KCNMA1: variants seen among roughly 807,000 people sequenced by gnomAD.
KCNMA1 encodes Calcium-activated potassium channel subunit alpha-1.
A neutral mutation model predicts 140.0 loss-of-function variants in KCNMA1; 29 were observed. The observed-to-expected ratio is 0.21, with a 90% CI of 0.15 to 0.28. The LOEUF is 0.28. KCNMA1 is among the 10% of genes least tolerant of loss of function. The pLI, the probability that KCNMA1 is intolerant of heterozygous loss-of-function variation, is 1.00. For missense variants in KCNMA1, 880 were observed against 1,602.2 expected (o/e 0.55, Z 7.70); for synonymous variants, 612 against 611.9 (o/e 1.00, Z 0.00).
At chr10:77,185,143 T>C (rs2098838399) in intron 3 of KCNMA1, among the ~76,000 whole-genome samples, 1 of 152,100 alleles carries the variant, frequency 6.6e-6, no homozygotes, top group Non-Finnish European at 1.5e-5. Flanking sequence ...GTTTTCGAAA[T>C]TATTATATAC....
chr10:76,985,936 AG>A (rs1305576638), intron 19 of KCNMA1, among the ~76,000 whole-genome samples: 1 of 152,246 alleles, frequency 6.6e-6, no homozygotes, highest in African/African-American at 2.4e-5. Flanking sequence ...AAAATAAAAA[AG>A]TACTCTAAAG....
In KCNMA1 at chr10:77,217,312, C is replaced by CTAAA. The variant is rs138537604; in HGVS notation, c.603-32400_603-32397dup. Among the ~76,000 whole-genome samples, 87 of 151,096 alleles carry CTAAA rather than the reference C, an allele frequency of 5.8e-4. 1 individual carries two copies. Among genetic ancestry groups the CTAAA allele is most frequent in the Non-Finnish European group, 1.1e-3 (77 of 67,734 alleles). On this transcript the variant is annotated intron_variant, in intron 3 of 27. Transcript: ENST00000286628. ...TCTGTCTCAAAAAAAAAAAAAGAAA[C>CTAAA]TAAACAAACAAACAAAAAAAAACTA...
intron 1 of KCNMA1, among the ~76,000 whole-genome samples, chr10:77,488,996 G>C (rs569616507): frequency 6.6e-6 from 1 of 152,286 alleles, no homozygotes; most frequent in Admixed American, 6.5e-5. Context: ...AGGAATGCCT[G>C]CTCCACTCAA....
chr10:77,220,628 AG>A (rs1258742831), intron 3 of KCNMA1, among the ~76,000 whole-genome samples: 2 of 152,194 alleles, frequency 1.3e-5, no homozygotes, highest in Non-Finnish European at 2.9e-5. Flanking sequence ...TCTAGACAAA[AG>A]GGGAGGAGAT....
At chr10:76,969,650 C>T (rs2153152850) in intron 20 of KCNMA1, among the ~76,000 whole-genome samples, 1 of 152,296 alleles carries the variant, frequency 6.6e-6, no homozygotes, top group East Asian at 1.9e-4. Flanking sequence ...GATTGGTTAC[C>T]GCCATCATTA....
chr10:77,577,741 T>C lies in KCNMA1; in HGVS notation c.378+59524A>G, dbSNP rs141542678. Among the ~76,000 whole-genome samples, 309 of 152,244 alleles carry C rather than the reference T, an allele frequency of 2.0e-3. 3 individuals are homozygous for C. Among genetic ancestry groups the C allele is most frequent in the Non-Finnish European group, 1.3e-3 (91 of 68,016 alleles). On this transcript the variant is annotated intron_variant, in intron 1 of 27. Coordinates refer to ENST00000286628, the MANE Select transcript of KCNMA1 (RefSeq NM_001161352.2). ...TAACTAGGGTCTCCCAGCTAGTTGG[T>C]GGTGAAGCCAGAATTTGAACTCTGA...
At chr10:77,117,561 A>AAAAAAAAAAAAAAG (rs1554837398) in intron 6 of KCNMA1, among the ~76,000 whole-genome samples, 3 of 147,556 alleles carry the variant, frequency 2.0e-5, no homozygotes, top group African/African-American at 7.8e-5. Context: ...AAAAAAAAAA[A>AAAAAAAAAAAAAAG]AAAAGAAAAG....
chr10:77,137,618 C>A (rs1199421076), intron 5 of KCNMA1, among the ~76,000 whole-genome samples: 3 of 152,128 alleles, frequency 2.0e-5, no homozygotes, highest in African/African-American at 7.2e-5. Flanking sequence ...GAATCTGAGC[C>A]TCTCCTTCCC....
intron 16 of KCNMA1, among the ~76,000 whole-genome samples, chr10:77,024,106 T>C (rs1165396471): frequency 6.6e-6 from 1 of 152,164 alleles, no homozygotes; most frequent in Non-Finnish European, 1.5e-5. Context: ...GCTGGATATT[T>C]GGTTCTGGGA....
At chr10:76,916,349 T>G (rs908576428) in intron 23 of KCNMA1, among the ~76,000 whole-genome samples, 1 of 152,224 alleles carries the variant, frequency 6.6e-6, no homozygotes, top group Non-Finnish European at 1.5e-5. Flanking sequence ...TTGGAACAAC[T>G]GTAACTTTCA....
At chr10:77,473,164 C>T (rs555363933) in intron 1 of KCNMA1, among the ~76,000 whole-genome samples, 1 of 152,280 alleles carries the variant, frequency 6.6e-6, no homozygotes, top group South Asian at 2.1e-4. Flanking sequence ...TGACTGAGTT[C>T]TTTTTAGATG....
At chr10:77,221,682 T>C (rs2049728281) in intron 3 of KCNMA1, among the ~76,000 whole-genome samples, 1 of 151,978 alleles carries the variant, frequency 6.6e-6, no homozygotes, top group South Asian at 2.1e-4. Context: ...CCCGCAAAAA[T>C]TAAAAATTAA....
intron 1 of KCNMA1, among the ~76,000 whole-genome samples, chr10:77,459,030 A>G (rs1207501611): frequency 6.6e-6 from 1 of 151,982 alleles, no homozygotes; most frequent in Non-Finnish European, 1.5e-5. Flanking sequence ...GGGTATTTAT[A>G]CTCCCATTAG....
At chr10:76,890,481 A>G (rs574625580) in intron 26 of KCNMA1, among the ~76,000 whole-genome samples, 3 of 152,326 alleles carry the variant, frequency 2.0e-5, no homozygotes, top group South Asian at 2.1e-4. Flanking sequence ...TAAGTAAATG[A>G]TAGGTATAAA....
chr10:77,623,122 A>G (rs2091814225), intron 1 of KCNMA1, among the ~76,000 whole-genome samples: 1 of 152,236 alleles, frequency 6.6e-6, no homozygotes, highest in South Asian at 2.1e-4. Flanking sequence ...TAGCTGTTTT[A>G]GTTTCATTAC....
At chr10:77,368,122 G>A (rs2094474428) in intron 2 of KCNMA1, among the ~76,000 whole-genome samples, 1 of 152,162 alleles carries the variant, frequency 6.6e-6, no homozygotes, top group Non-Finnish European at 1.5e-5. Context: ...CTTCTAAACT[G>A]TTTTCCTGAA....
At chr10:77,112,896 G>T (rs1186468939) in intron 6 of KCNMA1, among the ~76,000 whole-genome samples, 1 of 150,936 alleles carries the variant, frequency 6.6e-6, no homozygotes, top group Admixed American at 6.6e-5. Flanking sequence ...GAGACATCAT[G>T]GCACAAGCCC....
intron 14 of KCNMA1, 72 bp from the exon 15 acceptor site, chr10:77,039,709 C>T: frequency 1.1e-6 from 1 of 916,952 alleles, no homozygotes; most frequent in Non-Finnish European, 1.8e-6. Flanking sequence ...CTGAGTTACA[C>T]TCTTAGGCAA....
rs117304025 is a variant in KCNMA1 at position 77,042,128 on chromosome 10, G to A, written c.1750-2491C>T. Among the ~76,000 whole-genome samples, 601 of 152,248 alleles carry A rather than the reference G, an allele frequency of 3.9e-3. 2 individuals are homozygous for A. The highest frequency in any genetic ancestry group is 7.1e-3 in the Non-Finnish European group (486 of 68,012). On this transcript the variant is annotated intron_variant, in intron 14 of 27. Coordinates refer to ENST00000286628, the MANE Select transcript of KCNMA1 (RefSeq NM_001161352.2). ...GACATTAGCTAGGCAGTGCTGCTGGGTATGAGCAGTTTATCTACAAATTGG... is the reference window on the plus strand; with the variant it reads ...GACATTAGCTAGGCAGTGCTGCTGGATATGAGCAGTTTATCTACAAATTGG...
Sources: gnomAD v4.1 joint callset for allele counts (sites outside exome capture counted in the v4.1 genomes callset) on GRCh38, gnomAD v4.1.1 for gene constraint, MANE v1.5 for transcripts, NCBI Gene and HGNC (gene_info 2026-07-23, HGNC 2026-07-21) for gene names.